Variants in CC2D2B observed in about 807,000 individuals in gnomAD.
The protein encoded by CC2D2B is protein CC2D2B.
In CC2D2B, 128 loss-of-function variants were observed where a neutral mutation model predicts 161.2. The ratio of observed to expected loss-of-function variants is 0.79; its 90% confidence interval spans 0.69 to 0.92. CC2D2B has a LOEUF of 0.92. CC2D2B is among the 40% of genes least tolerant of loss of function. The pLI is 0.00. For missense variants in CC2D2B, 1,173 were observed against 1,375.1 expected (o/e 0.85, Z 2.32); for synonymous variants, 391 against 449.8 (o/e 0.87, Z 1.65).
At position 95,928,299 on chromosome 10, in the gene CC2D2B, A is replaced by G. The variant is rs539813423; in HGVS notation, c.336+967A>G. Reference sequence around the variant, plus strand: ...CACAGTATAAAAACGTAATGCAGAAAGCCACAAGGAAGAAAATAAAAATCA... The same window carrying G: ...CACAGTATAAAAACGTAATGCAGAAGGCCACAAGGAAGAAAATAAAAATCA... On this transcript the variant is annotated intron_variant, in intron 6 of 34. Coordinates refer to ENST00000646931, the MANE Select transcript of CC2D2B (RefSeq NM_001349008.3). Among the ~76,000 whole-genome samples the G allele has an allele frequency of 2.0e-5, 3 of 152,316 alleles. No homozygotes were observed. In the East Asian group the frequency reaches 5.8e-4, roughly 29 times the overall value.
intron 9 of CC2D2B, among the ~76,000 whole-genome samples, chr10:95,940,127 C>T (rs66603704): frequency 0.24 from 36,075 of 151,862 alleles, 5,073 homozygotes; most frequent in East Asian, 0.64. Flanking sequence ...TGGCACTTCA[C>T]GAGGCTAGAG....
rs149894019 is a variant in CC2D2B, at chr10:95,917,463, G to A, written c.37-4553G>A. 5.9e-5 allele frequency among the ~76,000 whole-genome samples: 9 copies of A among 151,350 alleles called. No individual in the cohort carries two copies. The East Asian group carries it at 9.7e-4, about 16-fold the overall frequency. ...CTTCCTTCCTTCCTTCCTTCCATCC[G>A]TCCGTCCATCCGTCCGTCTGTCTTC... On this transcript the variant is annotated intron_variant, in intron 2 of 34. Transcript: ENST00000646931.
chr10:96,010,053 A>G lies in CC2D2B; in HGVS notation c.3045+130A>G, dbSNP rs1564666788. 3.6e-5 allele frequency: 22 copies of G among 603,274 alleles called. No homozygotes were observed. The South Asian group carries it at 4.5e-4, about 12-fold the overall frequency. The allele number at this position is 603,274 out of a possible 1,614,324, so 37.4% of individuals were successfully genotyped here. ...TCAGTTAAGATGATCCTGTATTAGA[A>G]TGTTCTGGGCTTTTGAAGTGTTTGA... On this transcript the variant is annotated intron_variant, in intron 26 of 34. Coordinates refer to ENST00000646931, the MANE Select transcript of CC2D2B (RefSeq NM_001349008.3).
chr10:95,994,414 A>G (rs570706791), intron 22 of CC2D2B, among the ~76,000 whole-genome samples: 2 of 152,332 alleles, frequency 1.3e-5, no homozygotes, highest in African/African-American at 4.8e-5. Context: ...AGGAACCAGG[A>G]GTACGGGAGG....
At chr10:95,938,769 A>C in intron 8 of CC2D2B, 28 bp from the exon 9 acceptor site, 1 of 704,188 alleles carries the variant, frequency 1.4e-6, no homozygotes, top group Non-Finnish European at 2.6e-6. Context: ...CAAAATATTT[A>C]ATTACTATAC....
chr10:96,006,098 T>C (rs2078737659), intron 25 of CC2D2B, among the ~76,000 whole-genome samples: 1 of 151,860 alleles, frequency 6.6e-6, no homozygotes. Context: ...TTCACTTTTT[T>C]GGTTTTCTAA....
intron 6 of CC2D2B, among the ~76,000 whole-genome samples, chr10:95,931,293 T>G (rs1016673863): frequency 1.3e-5 from 2 of 152,208 alleles, no homozygotes. Context: ...TTTATTAGTC[T>G]GGCTAGTGGT....
intron 10 of CC2D2B, among the ~76,000 whole-genome samples, chr10:95,955,024 G>C (rs566869500): frequency 2.0e-5 from 3 of 152,182 alleles, no homozygotes; most frequent in Admixed American, 6.5e-5. Context: ...TGTGGATAAA[G>C]ACAGACATAT....
intron 6 of CC2D2B, among the ~76,000 whole-genome samples, chr10:95,932,313 T>G (rs1266292635): frequency 6.6e-6 from 1 of 152,206 alleles, no homozygotes; most frequent in Non-Finnish European, 1.5e-5. Flanking sequence ...AGCACACCAA[T>G]GGGTCTTGAC....
At chr10:95,973,775 C>T (rs2077220344) in intron 16 of CC2D2B, among the ~76,000 whole-genome samples, 1 of 149,342 alleles carries the variant, frequency 6.7e-6, no homozygotes, top group Non-Finnish European at 1.5e-5. Flanking sequence ...GCAGGAGAAT[C>T]ATTTGAACCC....
chr10:95,961,917 C>G lies in CC2D2B; in HGVS notation c.1198C>G (p.Leu400Val). 1.6e-6 allele frequency: 2 copies of G among 1,231,596 alleles called. No individual in the cohort carries two copies. Among genetic ancestry groups the G allele is most frequent in the Non-Finnish European group, 2.0e-6 (2 of 987,612 alleles). 76.3% of individuals were successfully genotyped at this position (1,231,596 alleles called of 1,614,324 possible). ...ACGAACTTGGAAACAGATTAAATCT[C>G]TTCGACATGGGCAAGGGTTTACAAG... Reference protein sequence around the residue: ...ILRTWKQIKSLRHGQGFTSTP... With the variant: ...ILRTWKQIKSVRHGQGFTSTP... The change falls in exon 12 of 35, where the codon CTT becomes GTT. Residue 400 changes from leucine (L) to valine (V), a missense_variant. Transcript: ENST00000646931.
rs2076539154 is a variant in CC2D2B, at chr10:95,955,398, A to G, written c.1016A>G (p.Lys339Arg). ...NVSQLLYEKL[K>R]ALTDATKLSN... ...GCTCTTTTTTTTTTGTTATAGCTGA[A>G]AGCACTGACAGATGCTACCAAATTG... The change falls in exon 11 of 35, where the codon AAA becomes AGA. Residue 339 changes from lysine to arginine, a missense_variant. Lys to Arg is a conservative substitution (Grantham distance 26, BLOSUM62 2). Coordinates refer to ENST00000646931, the MANE Select transcript of CC2D2B (RefSeq NM_001349008.3). The G allele has an allele frequency of 2.5e-6, 1 of 398,224 alleles. No homozygotes were observed. The highest frequency in any genetic ancestry group is 1.3e-4 in the South Asian group (1 of 7,856). The allele number at this position is 398,224 out of a possible 1,614,324, so 24.7% of individuals were successfully genotyped here. A position where few individuals can be genotyped will look rare whatever the true frequency, so the allele number is the denominator to read the frequency against.
At chr10:95,922,902 C>CGGT (rs1260378565) in intron 3 of CC2D2B, among the ~76,000 whole-genome samples, 2 of 151,648 alleles carry the variant, frequency 1.3e-5, no homozygotes, top group Non-Finnish European at 2.9e-5. Context: ...TGGGCTCAAG[C>CGGT]GGTGGTCCCA....
chr10:95,937,552 A>G (rs2141264050), intron 6 of CC2D2B, among the ~76,000 whole-genome samples: 1 of 150,236 alleles, frequency 6.7e-6, no homozygotes. Context: ...TTTCATGAAT[A>G]CCTTGTAGAA....
At chr10:95,998,513 G>T (rs1169476442) in intron 24 of CC2D2B, among the ~76,000 whole-genome samples, 1 of 152,016 alleles carries the variant, frequency 6.6e-6, no homozygotes, top group Non-Finnish European at 1.5e-5. Flanking sequence ...GTACATCAAG[G>T]TTCTCCAGAG....
intron 5 of CC2D2B, among the ~76,000 whole-genome samples, chr10:95,926,924 C>T (rs533047897): frequency 1.3e-5 from 2 of 149,620 alleles, no homozygotes; most frequent in African/African-American, 2.5e-5. Context: ...AAAGAAAGTT[C>T]CACTGGAGCC....
In CC2D2B at chr10:96,024,911, G is replaced by C; in HGVS notation, c.3947G>C (p.Arg1316Thr). The C allele has an allele frequency of 2.6e-6, 4 of 1,521,498 alleles. No homozygotes were observed. The highest frequency in any genetic ancestry group is 1.8e-6 in the Non-Finnish European group (2 of 1,121,536). 94.2% of individuals were successfully genotyped at this position (1,521,498 alleles called of 1,614,324 possible). A position where few individuals can be genotyped will look rare whatever the true frequency, so the allele number is the denominator to read the frequency against. The change falls in exon 33 of 35, where the codon AGG (arginine) becomes ACG (threonine). Residue 1316 changes from arginine to threonine, a missense_variant and splice_region_variant. Arg to Thr is a moderately conservative substitution (Grantham distance 71, BLOSUM62 -1). Around this residue, in one of 3 missense-constraint regions of CC2D2B, gnomAD observed 598 missense variants for 693.2 expected, o/e 0.86. Coordinates refer to ENST00000646931, the MANE Select transcript of CC2D2B (RefSeq NM_001349008.3). Reference protein sequence around the residue: ...DKSMVEDLRNRIERTLKSKVM... With the variant: ...DKSMVEDLRNTIERTLKSKVM... ...AGCATGGTAGAAGATCTAAGGAATAGGTACTGTGTTTTCCCCTAATCTCTT... is the reference window on the plus strand; with the variant it reads ...AGCATGGTAGAAGATCTAAGGAATACGTACTGTGTTTTCCCCTAATCTCTT...
intron 33 of CC2D2B, among the ~76,000 whole-genome samples, chr10:96,025,152 AAAAT>A (rs1362827749): frequency 8.8e-4 from 22 of 25,140 alleles, no homozygotes; most frequent in African/African-American, 3.4e-3. Context: ...CTACTAAAAA[AAAAT>A]ATATATATAT....
intron 11 of CC2D2B, among the ~76,000 whole-genome samples, chr10:95,957,785 T>G (rs1199403409): frequency 6.6e-6 from 1 of 150,914 alleles, no homozygotes; most frequent in African/African-American, 2.4e-5. Context: ...GGTCTCGAAC[T>G]CCTGACCTCA....
Sources: allele counts gnomAD v4.1 joint callset (sites outside exome capture counted in the v4.1 genomes callset), GRCh38; gene constraint gnomAD v4.1.1; regional missense constraint gnomAD v4.1.1; transcripts MANE v1.5; gene names NCBI Gene and HGNC (gene_info 2026-07-23, HGNC 2026-07-21).